RBMS3: variants seen among roughly 807,000 people sequenced by gnomAD.
RBMS3 encodes RNA-binding motif, single-stranded-interacting protein 3.
A neutral mutation model predicts 66.8 loss-of-function variants in RBMS3; 27 were observed. That is an observed-to-expected ratio of 0.40 (90% CI 0.30 to 0.56). The LOEUF (loss-of-function observed/expected upper bound fraction) is 0.56. RBMS3 is among the 20% of genes least tolerant of loss of function. The pLI is 0.40. For synonymous variants in RBMS3, 188 were observed against 183.0 expected, an observed-to-expected ratio of 1.03 and a Z score of -0.22; for missense variants, 513 against 549.5, an observed-to-expected ratio of 0.93 and a Z score of 0.66.
intron 14 of RBMS3, among the ~76,000 whole-genome samples, chr3:30,003,097 T>C (rs900636142): frequency 2.0e-5 from 3 of 152,044 alleles, no homozygotes; most frequent in Admixed American, 6.6e-5. Context: ...TCCTTCTTTC[T>C]ATAGCACCAC....
intron 6 of RBMS3, among the ~76,000 whole-genome samples, chr3:29,814,167 T>C (rs934462276): frequency 2.0e-5 from 3 of 151,828 alleles, no homozygotes; most frequent in African/African-American, 7.3e-5. Flanking sequence ...CAATACCTAA[T>C]TTATTGAGAG....
intron 10 of RBMS3, chr3:29,927,119 G>A (rs530622802): frequency 6.6e-6 from 1 of 152,216 alleles, no homozygotes; most frequent in East Asian, 1.9e-4. Flanking sequence ...AGAAGCCCTG[G>A]GATTTTCATA....
At chr3:29,797,966 GTTGTTAATTGGCCTAA>G (rs999381042) in intron 6 of RBMS3, 60 of 152,104 alleles carry the variant, frequency 3.9e-4, no homozygotes, top group Middle Eastern at 3.4e-3. Flanking sequence ...TCATTGTAGG[GTTGTTAATTGGCCTAA>G]TTTCAATATT....
chr3:29,961,623 A>G (rs1346930686), intron 12 of RBMS3, among the ~76,000 whole-genome samples: 1 of 152,092 alleles, frequency 6.6e-6, no homozygotes, highest in Non-Finnish European at 1.5e-5. Context: ...TACAACAATC[A>G]TGGTGGAAGG....
chr3:29,475,839 G>A (rs2042929574), intron 2 of RBMS3, among the ~76,000 whole-genome samples: 3 of 152,060 alleles, frequency 2.0e-5, no homozygotes, highest in African/African-American at 7.2e-5. Flanking sequence ...GGGGCCATGT[G>A]TTGGAAGTTA....
chr3:29,988,744 C>T (rs189192715), intron 13 of RBMS3, among the ~76,000 whole-genome samples: 31 of 151,586 alleles, frequency 2.0e-4, no homozygotes, highest in South Asian at 8.3e-4. Context: ...GTCAAACAGT[C>T]AAACAGTGAG....
At chr3:29,962,478 C>G (rs1696537061) in intron 12 of RBMS3, among the ~76,000 whole-genome samples, 1 of 150,408 alleles carries the variant, frequency 6.6e-6, no homozygotes. Context: ...GTATGAAATC[C>G]TAGTGTTTCT....
At chr3:29,425,532 G>A (rs576753921) in intron 1 of RBMS3, among the ~76,000 whole-genome samples, 26 of 151,784 alleles carry the variant, frequency 1.7e-4, no homozygotes, top group Non-Finnish European at 2.8e-4. Flanking sequence ...CAGCTACTCC[G>A]GAGGCTGAGA....
chr3:29,574,864 A>C (rs1431544625), intron 3 of RBMS3, among the ~76,000 whole-genome samples: 1 of 145,478 alleles, frequency 6.9e-6, no homozygotes, highest in African/African-American at 2.5e-5. Flanking sequence ...CACACACACA[A>C]GAAAATTAAT....
intron 1 of RBMS3, among the ~76,000 whole-genome samples, chr3:29,348,962 G>C (rs2036745700): frequency 6.6e-6 from 1 of 152,062 alleles, no homozygotes; most frequent in Non-Finnish European, 1.5e-5. Context: ...TCAACTGCTG[G>C]TTCTCATTTC....
At chr3:29,950,970 A>C (rs1290195070) in intron 12 of RBMS3, among the ~76,000 whole-genome samples, 1 of 152,008 alleles carries the variant, frequency 6.6e-6, no homozygotes, top group Admixed American at 6.6e-5. Flanking sequence ...ATTTTCCCTT[A>C]GCCTTGGTTA....
chr3:29,737,208 C>T (rs1576656079), intron 4 of RBMS3, among the ~76,000 whole-genome samples: 1 of 152,252 alleles, frequency 6.6e-6, no homozygotes, highest in African/African-American at 2.4e-5. Context: ...ACCTCCTGAC[C>T]TCGTGATCCA....
chr3:29,330,938 A>G (rs1172933293), intron 1 of RBMS3, among the ~76,000 whole-genome samples: 1 of 152,152 alleles, frequency 6.6e-6, no homozygotes, highest in East Asian at 1.9e-4. Flanking sequence ...TATGAATTTC[A>G]CAGCTAGTAG....
At chr3:29,379,460 G>A (rs1559532434) in intron 1 of RBMS3, among the ~76,000 whole-genome samples, 4 of 152,148 alleles carry the variant, frequency 2.6e-5, no homozygotes, top group East Asian at 1.9e-4. Flanking sequence ...TTTACAGAAG[G>A]AGTTTTATTG....
intron 10 of RBMS3, among the ~76,000 whole-genome samples, chr3:29,925,835 T>C (rs1169199324): frequency 6.6e-6 from 1 of 152,196 alleles, no homozygotes; most frequent in Admixed American, 6.5e-5. Flanking sequence ...AACAAGGTAG[T>C]AGAGTTTAAG....
chr3:29,828,299 C>G (rs1413606164), intron 6 of RBMS3, among the ~76,000 whole-genome samples: 2 of 152,098 alleles, frequency 1.3e-5, no homozygotes, highest in Admixed American at 6.6e-5. Context: ...TATATACCTT[C>G]AACTTGAACC....
chr3:29,821,218 A>G (rs2058069768), intron 6 of RBMS3, among the ~76,000 whole-genome samples: 2 of 152,220 alleles, frequency 1.3e-5, no homozygotes, highest in South Asian at 4.1e-4. Context: ...TCTTTTATTT[A>G]TCTAAAATTT....
chr3:29,620,246 T>C lies in RBMS3; in HGVS notation c.399+33041T>C, dbSNP rs182107542. 4.1e-4 allele frequency among the ~76,000 whole-genome samples: 63 copies of C among 152,314 alleles called. No individual in the cohort carries two copies. The Middle Eastern group carries it at 0.014, about 33-fold the overall frequency. On this transcript the variant is annotated intron_variant, in intron 4 of 14. Coordinates refer to ENST00000383767, the MANE Select transcript of RBMS3 (RefSeq NM_001003793.3). ...TTAGATTAACATGCCATCCTTATTT[T>C]TATTGACATATTTGTATGTGCCACT...
rs1699823128 is a variant in RBMS3, at chr3:30,007,195, A to T, written c.*3333A>T. ...CATTGTGTGGTAATAAACCAAAATA[A>T]GTTTTCAATATATACAGACAACAGA... On this transcript the variant is annotated 3_prime_UTR_variant, in exon 15 of 15. Transcript: ENST00000383767. 1 of 152,126 alleles carries T rather than the reference A, an allele frequency of 6.6e-6. No homozygotes were observed. The highest frequency in any genetic ancestry group is 2.4e-5 in the African/African-American group (1 of 41,450). The allele number at this position is 152,126 out of a possible 1,614,324, so 9.4% of individuals were successfully genotyped here. A position where few individuals can be genotyped will look rare whatever the true frequency, so the allele number is the denominator to read the frequency against.
Sources: gnomAD v4.1 joint callset for allele counts (sites outside exome capture counted in the v4.1 genomes callset) on GRCh38, gnomAD v4.1.1 for gene constraint, MANE v1.5 for transcripts, NCBI Gene and HGNC (gene_info 2026-07-23, HGNC 2026-07-21) for gene names.